PALM2AKAP2: variants seen among roughly 807,000 people sequenced by gnomAD.
The protein encoded by PALM2AKAP2 is PALM2-AKAP2 fusion protein.
PALM2AKAP2 carries 37 observed loss-of-function variants against 71.5 expected under a neutral mutation model. That is an observed-to-expected ratio of 0.52 (90% CI 0.40 to 0.68). The LOEUF is 0.68. PALM2AKAP2 is among the 30% of genes least tolerant of loss of function. The pLI, the probability that PALM2AKAP2 is intolerant of heterozygous loss-of-function variation, is 0.00. For missense variants in PALM2AKAP2, 1,224 were observed against 1,191.8 expected, an observed-to-expected ratio of 1.03 and a Z score of -0.40; for synonymous variants, 468 against 478.8, an observed-to-expected ratio of 0.98 and a Z score of 0.29.
rs527830347 is a variant in PALM2AKAP2, at chr9:109,990,290, T to A, written c.497-25664T>A. 1.2e-4 allele frequency among the ~76,000 whole-genome samples: 19 copies of A among 152,118 alleles called. 1 individual carries two copies. The South Asian group carries it at 3.9e-3, about 32-fold the overall frequency. ...GGCAAGGCTGGTCTCGAACTTCTGA[T>A]CTCCAGTGATCCGCCTGTCTCAGCC... On this transcript the variant is annotated intron_variant, in intron 6 of 9. Coordinates refer to the PALM2AKAP2 transcript ENST00000302798.
At chr9:109,975,556 C>CA (rs1411276176) in intron 6 of PALM2AKAP2, among the ~76,000 whole-genome samples, 1 of 152,202 alleles carries the variant, frequency 6.6e-6, no homozygotes, top group Non-Finnish European at 1.5e-5. Context: ...TTGGCTCAGT[C>CA]AAATTGATAC....
intron 1 of PALM2AKAP2, among the ~76,000 whole-genome samples, chr9:109,691,552 AT>A: frequency 6.6e-6 from 1 of 152,010 alleles, no homozygotes; most frequent in East Asian, 1.9e-4. Flanking sequence ...GCTGCTAACA[AT>A]TAGAAAACTC....
intron 6 of PALM2AKAP2, among the ~76,000 whole-genome samples, chr9:109,975,317 A>G (rs1338925687): frequency 4.6e-5 from 7 of 152,224 alleles, no homozygotes; most frequent in Non-Finnish European, 1.0e-4. Context: ...CAATGGTCCA[A>G]GAACCAGGGG....
chr9:109,849,142 C>A (rs1349400413), intron 1 of PALM2AKAP2, among the ~76,000 whole-genome samples: 1 of 151,950 alleles, frequency 6.6e-6, no homozygotes, highest in Non-Finnish European at 1.5e-5. Context: ...AGAGACTTCA[C>A]AAAGTATGTT....
chr9:110,008,844 G>T (rs962968687), intron 6 of PALM2AKAP2, among the ~76,000 whole-genome samples: 2 of 151,822 alleles, frequency 1.3e-5, no homozygotes, highest in Non-Finnish European at 2.9e-5. Flanking sequence ...CTGGCCAATG[G>T]GTGTGGGCAG....
chr9:109,848,454 C>A (rs1171428123), intron 1 of PALM2AKAP2, among the ~76,000 whole-genome samples: 1 of 152,200 alleles, frequency 6.6e-6, no homozygotes. Context: ...TGTGACTTAT[C>A]TTTGTGCCCA....
chr9:109,774,384 T>TTGG (rs1829320161), intron 1 of PALM2AKAP2, among the ~76,000 whole-genome samples: 2 of 152,192 alleles, frequency 1.3e-5, no homozygotes, highest in African/African-American at 2.4e-5. Context: ...GGCATGTAGC[T>TTGG]CTCTTCCTAA....
chr9:109,662,999 G>T (rs542472541), intron 1 of PALM2AKAP2, among the ~76,000 whole-genome samples: 36 of 151,996 alleles, frequency 2.4e-4, no homozygotes, highest in Non-Finnish European at 4.3e-4. Context: ...TATTTTTGTG[G>T]GATTGGTGCT....
intron 6 of PALM2AKAP2, among the ~76,000 whole-genome samples, chr9:109,964,786 G>C (rs1831915790): frequency 6.6e-6 from 1 of 152,142 alleles, no homozygotes; most frequent in African/African-American, 2.4e-5. Flanking sequence ...TCAAAAAATG[G>C]CAAATAACTC....
At chr9:109,835,947 C>A (rs1424503807) in intron 1 of PALM2AKAP2, among the ~76,000 whole-genome samples, 1 of 152,234 alleles carries the variant, frequency 6.6e-6, no homozygotes, top group Non-Finnish European at 1.5e-5. Context: ...GACTCCATCT[C>A]TGGGGGCAGG....
At chr9:110,123,473 G>A (rs1835533053) in intron 1 of PALM2AKAP2, among the ~76,000 whole-genome samples, 1 of 152,176 alleles carries the variant, frequency 6.6e-6, no homozygotes, top group Non-Finnish European at 1.5e-5. Flanking sequence ...ACTTAAATGT[G>A]ATTACCTCTG....
chr9:110,150,179 A>G (rs1836275745), intron 2 of PALM2AKAP2, among the ~76,000 whole-genome samples: 1 of 152,238 alleles, frequency 6.6e-6, no homozygotes, highest in East Asian at 1.9e-4. Flanking sequence ...GCTGTCTGCA[A>G]TCCAGGGAGA....
chr9:110,036,835 G>C (rs979765114), intron 7 of PALM2AKAP2, among the ~76,000 whole-genome samples: 2 of 151,938 alleles, frequency 1.3e-5, no homozygotes, highest in African/African-American at 4.8e-5. Flanking sequence ...CCCTATGCTC[G>C]AATGCTTTTC....
rs1829829576 is a variant in PALM2AKAP2, at chr9:109,880,781, T to C, written c.257+100T>C. 10 of 1,430,880 alleles carry C rather than the reference T, an allele frequency of 7.0e-6. No individual in the cohort carries two copies. The Admixed American group carries it at 2.3e-4, about 32-fold the overall frequency. 88.6% of individuals were successfully genotyped at this position (1,430,880 alleles called of 1,614,324 possible). A position where few individuals can be genotyped will look rare whatever the true frequency, so the allele number is the denominator to read the frequency against. On this transcript the variant is annotated intron_variant, in intron 3 of 9. Transcript: ENST00000302798. ...CTTTCTCAATACTGTTACCTTCTCC[T>C]GTACTTGAGAATTTTCTTCCTAAAC...
At chr9:109,839,438 G>C (rs1828587613) in intron 1 of PALM2AKAP2, among the ~76,000 whole-genome samples, 1 of 152,106 alleles carries the variant, frequency 6.6e-6, no homozygotes, top group Non-Finnish European at 1.5e-5. Context: ...CATACTGAAT[G>C]GGCAAAAACT....
At chr9:110,158,792 C>G (rs1338658778) in intron 3 of PALM2AKAP2, among the ~76,000 whole-genome samples, 19 of 152,202 alleles carry the variant, frequency 1.2e-4, no homozygotes, top group Admixed American at 1.2e-3. Context: ...ACTGTTATTG[C>G]TATTACAACA....
intron 1 of PALM2AKAP2, among the ~76,000 whole-genome samples, chr9:110,064,700 C>T (rs1834037868): frequency 6.6e-6 from 1 of 152,194 alleles, no homozygotes; most frequent in South Asian, 2.1e-4. Flanking sequence ...GCAGGAATCC[C>T]AAGCTGTCAC....
chr9:109,995,599 C>T (rs1832558287), intron 6 of PALM2AKAP2, among the ~76,000 whole-genome samples: 1 of 152,178 alleles, frequency 6.6e-6, no homozygotes, highest in South Asian at 2.1e-4. Context: ...GCAAAGAGAG[C>T]ATGTGCAGGG....
At chr9:109,646,270 G>T (rs1028521344) in intron 1 of PALM2AKAP2, among the ~76,000 whole-genome samples, 16 of 152,182 alleles carry the variant, frequency 1.1e-4, no homozygotes, top group African/African-American at 3.9e-4. Context: ...TTGTAGGAAT[G>T]CACTTTAACA....
Sources: allele counts gnomAD v4.1 joint callset (sites outside exome capture counted in the v4.1 genomes callset), GRCh38; gene constraint gnomAD v4.1.1; transcripts MANE v1.5; gene names NCBI Gene and HGNC (gene_info 2026-07-23, HGNC 2026-07-21).